Variants in AQP11 observed in about 807,000 individuals in gnomAD.
AQP11 encodes aquaporin 11.
A neutral mutation model predicts 21.1 loss-of-function variants in AQP11; 20 were observed. That is an observed-to-expected ratio of 0.95 (90% CI 0.67 to 1.38). The LOEUF (loss-of-function observed/expected upper bound fraction) is 1.38, where lower values mean the gene tolerates loss of function less well. Ranked by LOEUF, AQP11 falls within the 40% of genes most tolerant of loss-of-function variation. The pLI, the probability that AQP11 is intolerant of heterozygous loss-of-function variation, is 0.00. For missense variants in AQP11, 339 were observed against 340.4 expected (o/e 1.00, Z 0.03); for synonymous variants, 167 against 150.1 (o/e 1.11, Z -0.82).
At chr11:77,593,855 T>A (rs1044224744) in intron 1 of AQP11, among the ~76,000 whole-genome samples, 3 of 152,182 alleles carry the variant, frequency 2.0e-5, no homozygotes, top group African/African-American at 4.8e-5. Flanking sequence ...AACAAAACTA[T>A]ACACAATTGA....
rs1380732443 is a variant in AQP11, at chr11:77,610,289, A to C, written c.*912A>C. On this transcript the variant is annotated 3_prime_UTR_variant, in exon 3 of 3. Transcript: ENST00000313578. ...TCATAGAAACATTAAATACTTTATA[A>C]TAACGTTAAAACTTGTTTAGAAATT... The C allele has an allele frequency of 6.6e-6, 1 of 152,234 alleles. No individual in the cohort carries two copies. Among genetic ancestry groups the C allele is most frequent in the Non-Finnish European group, 1.5e-5 (1 of 68,046 alleles). 9.4% of individuals were successfully genotyped at this position (152,234 alleles called of 1,614,324 possible).
At chr11:77,602,122 T>C (rs1226384281) in intron 1 of AQP11, among the ~76,000 whole-genome samples, 1 of 152,150 alleles carries the variant, frequency 6.6e-6, no homozygotes, top group African/African-American at 2.4e-5. Flanking sequence ...ATGAGAAGAT[T>C]AGGAAGTGAA....
chr11:77,605,700 C>T (rs1366310436), intron 2 of AQP11, among the ~76,000 whole-genome samples: 1 of 152,122 alleles, frequency 6.6e-6, no homozygotes, highest in East Asian at 1.9e-4. Flanking sequence ...GTCCCTGGTG[C>T]TAAAAAGGTT....
At chr11:77,607,060 T>C (rs2135752180) in intron 2 of AQP11, among the ~76,000 whole-genome samples, 2 of 152,344 alleles carry the variant, frequency 1.3e-5, no homozygotes, top group East Asian at 3.9e-4. Context: ...CTATATTTCT[T>C]TCTGAGGTTT....
rs1385887752 is a variant in AQP11, at chr11:77,606,091, GCTACTTGGGAGGCTGAGATAGAA to G, written c.736+2422_736+2444del. On this transcript the variant is annotated intron_variant, in intron 2 of 2. Transcript: ENST00000313578. ...ACAGTGGCACATGCCTGTAGTCCCA[GCTACTTGGGAGGCTGAGATAGAA>G]CTGCTTGAGGCCAGGAGTTCAAGGC... 3.4e-5 allele frequency among the ~76,000 whole-genome samples: 5 copies of G among 147,420 alleles called. No individual in the cohort carries two copies. The East Asian group carries it at 5.9e-4, about 18-fold the overall frequency.
intron 2 of AQP11, among the ~76,000 whole-genome samples, chr11:77,605,313 C>G (rs1958837562): frequency 6.6e-6 from 1 of 152,152 alleles, no homozygotes; most frequent in Non-Finnish European, 1.5e-5. Flanking sequence ...AAAAAATTCC[C>G]CCAGTATGTC....
At chr11:77,601,523 T>A (rs1215490762) in intron 1 of AQP11, among the ~76,000 whole-genome samples, 3 of 152,062 alleles carry the variant, frequency 2.0e-5, no homozygotes, top group African/African-American at 7.2e-5. Context: ...CTAATTTTTG[T>A]ATTTCTTATA....
Position 77,590,372 on chromosome 11 carries a change from G to C in AQP11, c.380G>C (p.Ser127Thr), listed in dbSNP as rs1958739449. Residue 127 changes from serine to threonine, a missense_variant, in exon 1 of 3, where the codon AGT becomes ACT. Ser to Thr is a moderately conservative substitution (Grantham distance 58, BLOSUM62 1). Transcript: ENST00000313578. Reference sequence around the variant, plus strand: ...GTGAGGCTATTGGCTCAGCTGGTTAGTGCCCTGTGCAGCAGGTACTGCACA... The same window carrying C: ...GTGAGGCTATTGGCTCAGCTGGTTACTGCCCTGTGCAGCAGGTACTGCACA... ...GAVRLLAQLVSALCSRYCTSA... is the reference protein window; with the variant it reads ...GAVRLLAQLVTALCSRYCTSA... The C allele has an allele frequency of 1.2e-6, 2 of 1,613,882 alleles. No homozygotes were observed. The highest frequency in any genetic ancestry group is 2.2e-5 in the East Asian group (1 of 44,854).
At position 77,590,196 on chromosome 11, in the gene AQP11, C is replaced by T. The variant is rs1355289333; in HGVS notation, c.204C>T (p.Ser68=). ...CCCTHELQLL[S]EQHPAHPTWT... is the part of the protein sequence containing the mutation. ...GCACCCACGAGCTGCAACTGCTGAG[C>T]GAACAGCACCCCGCGCACCCCACCT... The change falls in exon 1 of 3, where the codon AGC becomes AGT. Residue 68 remains serine (S), a synonymous_variant. Transcript: ENST00000313578. The T allele has an allele frequency of 6.3e-7, 1 of 1,596,898 alleles. No homozygotes were observed. The highest frequency in any genetic ancestry group is 1.7e-4 in the Middle Eastern group (1 of 5,958).
chr11:77,609,410 A>G lies in AQP11; in HGVS notation c.*33A>G, dbSNP rs549540411. 1.3e-6 allele frequency: 2 copies of G among 1,521,104 alleles called. No homozygotes were observed. Among genetic ancestry groups the G allele is most frequent in the African/African-American group, 2.8e-5 (2 of 72,336 alleles). 94.2% of individuals were successfully genotyped at this position (1,521,104 alleles called of 1,614,324 possible). A position where few individuals can be genotyped will look rare whatever the true frequency, so the allele number is the denominator to read the frequency against. ...AAAGACTCAGACTAACATACAGGAC[A>G]GTCCAGCTGGATGTGATAAAGATTT... On this transcript the variant is annotated 3_prime_UTR_variant, in exon 3 of 3. Coordinates refer to ENST00000313578, the MANE Select transcript of AQP11 (RefSeq NM_173039.3).
rs1482924312 is a variant in AQP11, at chr11:77,609,390, C to G, written c.*13C>G. ...TAAAAAGGAATAACTGTTCCAAAGA[C>G]TCAGACTAACATACAGGACAGTCCA... On this transcript the variant is annotated 3_prime_UTR_variant, in exon 3 of 3. Coordinates refer to ENST00000313578, the MANE Select transcript of AQP11 (RefSeq NM_173039.3). 6.3e-7 allele frequency: 1 copy of G among 1,598,732 alleles called. No homozygotes were observed. Among genetic ancestry groups the G allele is most frequent in the Non-Finnish European group, 8.6e-7 (1 of 1,168,006 alleles).
Position 77,609,378 on chromosome 11 carries a change from C to T in AQP11, c.*1C>T. ...CCATACAATTAATAAAAAGGAATAA[C>T]TGTTCCAAAGACTCAGACTAACATA... is the stretch of plus-strand genomic sequence containing the variant. On this transcript the variant is annotated 3_prime_UTR_variant, in exon 3 of 3. Coordinates refer to ENST00000313578, the MANE Select transcript of AQP11 (RefSeq NM_173039.3). 1 of 1,609,780 alleles carries T rather than the reference C, an allele frequency of 6.2e-7. No individual in the cohort carries two copies. Among genetic ancestry groups the T allele is most frequent in the South Asian group, 1.1e-5 (1 of 90,544 alleles).
At chr11:77,602,576 CTT>C (rs571511541) in intron 1 of AQP11, among the ~76,000 whole-genome samples, 2 of 152,142 alleles carry the variant, frequency 1.3e-5, no homozygotes, top group Non-Finnish European at 2.9e-5. Context: ...AGAAAAAACT[CTT>C]AGCTATTGAG....
At position 77,609,260 on chromosome 11, in the gene AQP11, A is replaced by T. The variant is rs751081208; in HGVS notation, c.737-38A>T. On this transcript the variant is annotated intron_variant, in intron 2 of 2. Coordinates refer to ENST00000313578, the MANE Select transcript of AQP11 (RefSeq NM_173039.3). ...CACCTAGTGATTATGAACCTCCTTA[A>T]AGATTGTTTTTTTATTTTACTGTAT... is the stretch of plus-strand genomic sequence containing the variant. 6 of 1,535,840 alleles carry T rather than the reference A, an allele frequency of 3.9e-6. No homozygotes were observed. In the East Asian group the frequency reaches 9.0e-5, roughly 23 times the overall value.
intron 2 of AQP11, 152 bp downstream of exon 2, chr11:77,603,824 T>C: frequency 1.8e-6 from 1 of 548,172 alleles, no homozygotes; most frequent in Non-Finnish European, 3.1e-6. Flanking sequence ...TAATACTTTG[T>C]GTAGTATCCT....
intron 1 of AQP11, among the ~76,000 whole-genome samples, chr11:77,595,688 G>C (rs1010299023): frequency 2.0e-5 from 3 of 152,198 alleles, no homozygotes; most frequent in African/African-American, 7.2e-5. Context: ...TTGGGAGGCA[G>C]AGGCAGGCGG....
rs539445682 is a variant in AQP11, at chr11:77,594,728, C to T, written c.619+4117C>T. Among the ~76,000 whole-genome samples the T allele has an allele frequency of 3.9e-5, 6 of 152,228 alleles. No individual in the cohort carries two copies. In the South Asian group the frequency reaches 1.2e-3, roughly 32 times the overall value. On this transcript the variant is annotated intron_variant, in intron 1 of 2. Transcript: ENST00000313578. ...AAATAACTTATGTATTTTAGGATTA[C>T]AGAACATAAGCATCCAGCAACATAG...
Position 77,590,515 on chromosome 11 carries a change from T to G in AQP11, c.523T>G (p.Phe175Val), listed in dbSNP as rs1958740915. The G allele has an allele frequency of 6.2e-7, 1 of 1,614,184 alleles. No homozygotes were observed. Among genetic ancestry groups the G allele is most frequent in the African/African-American group, 1.3e-5 (1 of 75,050 alleles). The change falls in exon 1 of 3, where the codon TTT (phenylalanine) becomes GTT (valine). Residue 175 changes from phenylalanine to valine, a missense_variant. Physicochemically the swap from Phe to Val is conservative, Grantham distance 50. Coordinates refer to ENST00000313578, the MANE Select transcript of AQP11 (RefSeq NM_173039.3). ...GGTCATCACAGAGGCCGTCTGCTCC[T>G]TTCTCTTCCACAGCGCTCTGCTGCA... ...KAVITEAVCS[F>V]LFHSALLHFQ... is the part of the protein sequence containing the mutation.
Position 77,590,448 on chromosome 11 carries a change from C to A in AQP11, c.456C>A (p.Ser152Arg), listed in dbSNP as rs1442404559. Residue 152 changes from serine to arginine, a missense_variant, in exon 1 of 3, where the codon AGC (serine) becomes AGA (arginine). Ser to Arg is a moderately radical substitution (Grantham distance 110, BLOSUM62 -1). Coordinates refer to ENST00000313578, the MANE Select transcript of AQP11 (RefSeq NM_173039.3). ...GLTQYHVSER[S>R]FACKNPIRVD... ...CCCAGTATCACGTCAGCGAGAGGAG[C>A]TTCGCTTGCAAGAATCCCATCCGAG... 10 of 1,614,120 alleles carry A rather than the reference C, an allele frequency of 6.2e-6. No individual in the cohort carries two copies. Among genetic ancestry groups the A allele is most frequent in the Non-Finnish European group, 7.6e-6 (9 of 1,180,024 alleles).
Sources: gnomAD v4.1 joint callset for allele counts (sites outside exome capture counted in the v4.1 genomes callset) on GRCh38, gnomAD v4.1.1 for gene constraint, MANE v1.5 for transcripts, NCBI Gene and HGNC (gene_info 2026-07-23, HGNC 2026-07-21) for gene names.